The following MAPKAP1 variants were observed in gnomAD, a reference collection of about 807,000 sequenced individuals.
MAPKAP1 encodes MAPK associated protein 1.
Under a neutral mutation model 65.7 loss-of-function variants are expected in MAPKAP1, and 20 were observed. The ratio of observed to expected loss-of-function variants is 0.30; its 90% confidence interval spans 0.21 to 0.44. The LOEUF (loss-of-function observed/expected upper bound fraction) is 0.44. MAPKAP1 is among the 20% of genes least tolerant of loss of function. MAPKAP1 has a pLI of 1.00. For synonymous variants in MAPKAP1, 222 were observed against 244.3 expected (o/e 0.91, Z 0.85); for missense variants, 423 against 648.0 (o/e 0.65, Z 3.77).
chr9:125,513,383 G>A (rs1829365605), intron 7 of MAPKAP1, among the ~76,000 whole-genome samples: 1 of 152,172 alleles, frequency 6.6e-6, no homozygotes, highest in African/African-American at 2.4e-5. Flanking sequence ...ATGTCTTCAT[G>A]TCAACTGTTT....
chr9:125,516,486 A>T (rs1829465138), intron 7 of MAPKAP1, among the ~76,000 whole-genome samples: 1 of 152,230 alleles, frequency 6.6e-6, no homozygotes, highest in Non-Finnish European at 1.5e-5. Flanking sequence ...TACTCTACTT[A>T]TGATTAGGGA....
intron 1 of MAPKAP1, among the ~76,000 whole-genome samples, chr9:125,688,911 A>G (rs1307429119): frequency 6.6e-6 from 1 of 152,190 alleles, no homozygotes; most frequent in Non-Finnish European, 1.5e-5. Context: ...CAATCACTAC[A>G]ATATGCTGTC....
At chr9:125,536,507 C>A (rs1830077307) in intron 7 of MAPKAP1, among the ~76,000 whole-genome samples, 1 of 152,168 alleles carries the variant, frequency 6.6e-6, no homozygotes, top group African/African-American at 2.4e-5. Context: ...ATTACTTATT[C>A]TTCCATAAGG....
At chr9:125,442,713 A>G (rs1361989712) in intron 11 of MAPKAP1, among the ~76,000 whole-genome samples, 1 of 152,070 alleles carries the variant, frequency 6.6e-6, no homozygotes, top group Non-Finnish European at 1.5e-5. Flanking sequence ...TGGTCCAAGG[A>G]GGGGCTCTGA....
intron 4 of MAPKAP1, among the ~76,000 whole-genome samples, chr9:125,632,213 C>G (rs953674142): frequency 9.4e-6 from 1 of 106,564 alleles, no homozygotes; most frequent in African/African-American, 3.7e-5. Context: ...CAGAGCAAGA[C>G]TCCGTCTCAA....
chr9:125,578,267 T>C (rs1346209682), intron 5 of MAPKAP1, among the ~76,000 whole-genome samples: 1 of 151,986 alleles, frequency 6.6e-6, no homozygotes, highest in Non-Finnish European at 1.5e-5. Context: ...CTCCCTAATC[T>C]CAAGTACCCA....
chr9:125,499,422 C>T lies in MAPKAP1; in HGVS notation c.1066+6888G>A, dbSNP rs1413882185. 2.6e-5 allele frequency among the ~76,000 whole-genome samples: 4 copies of T among 152,154 alleles called. No homozygotes were observed. The East Asian group carries it at 7.7e-4, about 29-fold the overall frequency. On this transcript the variant is annotated intron_variant, in intron 8 of 11. Coordinates refer to ENST00000265960, the MANE Select transcript of MAPKAP1 (RefSeq NM_001006617.3). ...AATAAATTGTTTTCATAATTTACTT[C>T]CATTTTACAAAGACTAGTTATGATT...
chr9:125,468,603 C>T (rs34185003), intron 9 of MAPKAP1, among the ~76,000 whole-genome samples: 8,839 of 152,206 alleles, frequency 0.058, 763 homozygotes, highest in African/African-American at 0.19. Flanking sequence ...CTGAAACAAC[C>T]TTATACACTA....
At chr9:125,638,522 C>T (rs751400154) in intron 4 of MAPKAP1, among the ~76,000 whole-genome samples, 6 of 152,308 alleles carry the variant, frequency 3.9e-5, no homozygotes, top group Non-Finnish European at 7.4e-5. Flanking sequence ...CAGAAAGACC[C>T]ATTGTTTTGC....
At position 125,572,523 on chromosome 9, in the gene MAPKAP1, A is replaced by C. The variant is rs77334157; in HGVS notation, c.672-12714T>G. Among the ~76,000 whole-genome samples the C allele has an allele frequency of 1.1e-3, 168 of 152,376 alleles. 1 individual carries two copies. The East Asian group carries it at 0.027, about 25-fold the overall frequency. ...TATTATGTTTCAAGAACTATGGTAC[A>C]CTTTCTACTAAATTCTAGCCTCATT... On this transcript the variant is annotated intron_variant, in intron 5 of 11. Coordinates refer to ENST00000265960, the MANE Select transcript of MAPKAP1 (RefSeq NM_001006617.3).
chr9:125,438,040 C>T lies in MAPKAP1; in HGVS notation c.*847G>A, dbSNP rs1433448954. The T allele has an allele frequency of 1.2e-5, 3 of 251,416 alleles. No homozygotes were observed. Among genetic ancestry groups the T allele is most frequent in the East Asian group, 1.5e-4 (2 of 13,680 alleles). The allele number at this position is 251,416 out of a possible 1,614,324, so 15.6% of individuals were successfully genotyped here. Reference sequence around the variant, plus strand: ...TGTGGCCCCTTCCAAGGCAGCGAAGCAGAGAACATGCAGGTGGAACTGCCA... The same window carrying T: ...TGTGGCCCCTTCCAAGGCAGCGAAGTAGAGAACATGCAGGTGGAACTGCCA... On this transcript the variant is annotated 3_prime_UTR_variant, in exon 12 of 12. Transcript: ENST00000265960.
intron 8 of MAPKAP1, among the ~76,000 whole-genome samples, chr9:125,487,463 A>C (rs2133043766): frequency 6.6e-6 from 1 of 152,266 alleles, no homozygotes; most frequent in African/African-American, 2.4e-5. Context: ...AAATCATTTC[A>C]AGTCATCTTT....
intron 4 of MAPKAP1, among the ~76,000 whole-genome samples, chr9:125,610,377 T>C (rs1350902315): frequency 3.3e-5 from 5 of 152,208 alleles, no homozygotes; most frequent in Non-Finnish European, 5.9e-5. Context: ...AATACACTGG[T>C]TGGCAACTTT....
In MAPKAP1 at chr9:125,667,356, G is replaced by T. The variant is rs534676321; in HGVS notation, c.349+2462C>A. ...TGGGTTTGAGACACAGTCTCGCTCT[G>T]TTGCCCAGACTGAAGTGCACTGGCG... On this transcript the variant is annotated intron_variant, in intron 3 of 11. Transcript: ENST00000265960. Among the ~76,000 whole-genome samples, 17 of 152,274 alleles carry T rather than the reference G, an allele frequency of 1.1e-4. No individual in the cohort carries two copies. The South Asian group carries it at 3.3e-3, about 30-fold the overall frequency.
chr9:125,521,754 A>G, intron 7 of MAPKAP1: 1 of 1,612,912 alleles, frequency 6.2e-7, no homozygotes, highest in South Asian at 1.1e-5. Flanking sequence ...TAGTGAATTT[A>G]GTCACAAGCA....
At chr9:125,550,315 G>A (rs1464240671) in intron 6 of MAPKAP1, among the ~76,000 whole-genome samples, 1 of 152,154 alleles carries the variant, frequency 6.6e-6, no homozygotes, top group Non-Finnish European at 1.5e-5. Context: ...ATAAGCTGAG[G>A]GGAGAACAGA....
intron 10 of MAPKAP1, among the ~76,000 whole-genome samples, chr9:125,444,985 AAGG>A (rs996786267): frequency 6.6e-6 from 1 of 152,202 alleles, no homozygotes; most frequent in Non-Finnish European, 1.5e-5. Flanking sequence ...GAGCAACAGG[AAGG>A]AGAAGGGTCA....
intron 1 of MAPKAP1, chr9:125,696,282 A>C (rs1386851823): frequency 2.0e-5 from 3 of 152,052 alleles, no homozygotes; most frequent in Non-Finnish European, 4.4e-5. Context: ...GTGGTAGTGC[A>C]TGCCTGTAGT....
At chr9:125,522,756 T>C (rs1829656383) in intron 7 of MAPKAP1, among the ~76,000 whole-genome samples, 1 of 151,792 alleles carries the variant, frequency 6.6e-6, no homozygotes, top group Non-Finnish European at 1.5e-5. Context: ...AGGCTACTAG[T>C]TTAGATGCAA....
Sources: gnomAD v4.1 joint callset for allele counts (sites outside exome capture counted in the v4.1 genomes callset) on GRCh38, gnomAD v4.1.1 for gene constraint, MANE v1.5 for transcripts, NCBI Gene and HGNC (gene_info 2026-07-23, HGNC 2026-07-21) for gene names.